The following PPFIA2 variants were observed in gnomAD, a reference collection of about 807,000 sequenced individuals.
The protein encoded by PPFIA2 is PPFI scaffold protein A2.
In PPFIA2, 46 loss-of-function variants were observed where a neutral mutation model predicts 175.5. The observed-to-expected ratio is 0.26, with a 90% CI of 0.21 to 0.34. The LOEUF is 0.34. Among genes scored for constraint, PPFIA2 ranks in the 10% least tolerant of loss-of-function variants. The pLI, the probability that PPFIA2 is intolerant of heterozygous loss-of-function variation, is 1.00. For missense variants in PPFIA2, 1,179 were observed against 1,506.1 expected, an observed-to-expected ratio of 0.78 and a Z score of 3.60; for synonymous variants, 568 against 511.4, an observed-to-expected ratio of 1.11 and a Z score of -1.49.
intron 4 of PPFIA2, among the ~76,000 whole-genome samples, chr12:81,553,502 T>C (rs1455518021): frequency 6.6e-6 from 1 of 152,042 alleles, no homozygotes; most frequent in Non-Finnish European, 1.5e-5. Context: ...CAGAAGTTGG[T>C]AGCATAAAAG....
chr12:81,744,588 A>G (rs1314773605), intron 3 of PPFIA2, among the ~76,000 whole-genome samples: 1 of 151,866 alleles, frequency 6.6e-6, no homozygotes, highest in East Asian at 1.9e-4. Flanking sequence ...ATGCCCCGCT[A>G]ATTTTTTTTG....
intron 29 of PPFIA2, 162 bp from the exon 30 acceptor site, chr12:81,267,182 T>TAA: frequency 2.1e-6 from 1 of 485,918 alleles, no homozygotes; most frequent in Non-Finnish European, 3.7e-6. Flanking sequence ...AAATTTTAAC[T>TAA]ACAAAAAAAA....
chr12:81,325,419 T>C (rs1249460403), intron 22 of PPFIA2, among the ~76,000 whole-genome samples: 8 of 152,142 alleles, frequency 5.3e-5, no homozygotes, highest in Non-Finnish European at 1.0e-4. Context: ...TAGATACTTA[T>C]AATTGCCATG....
intron 4 of PPFIA2, among the ~76,000 whole-genome samples, chr12:81,564,629 G>A (rs2070908770): frequency 1.3e-5 from 2 of 152,104 alleles, no homozygotes; most frequent in South Asian, 4.1e-4. Flanking sequence ...CAAAATAAAT[G>A]CATTTAACAT....
chr12:81,725,790 A>T (rs1317326870), intron 3 of PPFIA2, among the ~76,000 whole-genome samples: 4 of 150,876 alleles, frequency 2.7e-5, no homozygotes, highest in Admixed American at 6.6e-5. Flanking sequence ...GAAAGAATGG[A>T]AGCATAAAGT....
In PPFIA2 at chr12:81,279,672, A is replaced by AT. The variant is rs538901168; in HGVS notation, c.3212+1584dup. ...CAAACAAAAACCAAGTCATTTGAGTATTTTTTTTAATTTGATCATTATAGA... is the reference window on the plus strand; with the variant it reads ...CAAACAAAAACCAAGTCATTTGAGTATTTTTTTTTAATTTGATCATTATAGA... On this transcript the variant is annotated intron_variant, in intron 27 of 32. Coordinates refer to ENST00000549396, the MANE Select transcript of PPFIA2 (RefSeq NM_003625.5). Among the ~76,000 whole-genome samples, 324 of 152,086 alleles carry AT rather than the reference A, an allele frequency of 2.1e-3. 2 individuals carry two copies. The highest frequency in any genetic ancestry group is 7.3e-3 in the African/African-American group (302 of 41,488).
chr12:81,452,786 C>G (rs1190851115), intron 5 of PPFIA2, among the ~76,000 whole-genome samples: 1 of 152,082 alleles, frequency 6.6e-6, no homozygotes, highest in African/African-American at 2.4e-5. Flanking sequence ...AATTGTATCT[C>G]AATATCTGTT....
intron 4 of PPFIA2, among the ~76,000 whole-genome samples, chr12:81,534,474 T>A (rs573814876): frequency 7.3e-5 from 11 of 151,638 alleles, no homozygotes; most frequent in Non-Finnish European, 1.5e-4. Context: ...ATATTATGTA[T>A]CAGGAAAAAA....
At chr12:81,388,537 C>T (rs1275808725) in intron 8 of PPFIA2, among the ~76,000 whole-genome samples, 1 of 151,932 alleles carries the variant, frequency 6.6e-6, no homozygotes, top group Non-Finnish European at 1.5e-5. Flanking sequence ...GGCATGAGAG[C>T]ACTTCTAAGG....
chr12:81,741,342 T>G (rs2082298769), intron 3 of PPFIA2, among the ~76,000 whole-genome samples: 1 of 152,228 alleles, frequency 6.6e-6, no homozygotes, highest in Admixed American at 6.5e-5. Flanking sequence ...TATGATAGTT[T>G]TTTTTTTATG....
intron 27 of PPFIA2, among the ~76,000 whole-genome samples, chr12:81,279,617 T>C (rs2041560618): frequency 6.6e-6 from 1 of 152,208 alleles, no homozygotes; most frequent in Non-Finnish European, 1.5e-5. Flanking sequence ...TTAGCATAAC[T>C]TAAAAATGAA....
intron 22 of PPFIA2, among the ~76,000 whole-genome samples, chr12:81,304,804 G>A (rs1267009040): frequency 6.6e-6 from 1 of 152,048 alleles, no homozygotes; most frequent in Non-Finnish European, 1.5e-5. Flanking sequence ...GGCTTTGGGA[G>A]CTGAAGAGGA....
At chr12:81,391,345 G>T (rs769822300) in intron 8 of PPFIA2, among the ~76,000 whole-genome samples, 13 of 152,012 alleles carry the variant, frequency 8.6e-5, no homozygotes, top group Non-Finnish European at 1.8e-4. Flanking sequence ...AAGTCGTCCT[G>T]TATGCAGAGC....
At chr12:81,491,309 A>T (rs1356027460) in intron 4 of PPFIA2, among the ~76,000 whole-genome samples, 1 of 151,494 alleles carries the variant, frequency 6.6e-6, no homozygotes, top group Non-Finnish European at 1.5e-5. Flanking sequence ...CAGGTAGGTT[A>T]TTACTTATCA....
chr12:81,663,769 C>T (rs1394519237), intron 4 of PPFIA2, among the ~76,000 whole-genome samples: 11 of 152,120 alleles, frequency 7.2e-5, no homozygotes, highest in Non-Finnish European at 1.6e-4. Context: ...GGAGGCATCA[C>T]ACTACCTGAC....
At chr12:81,483,160 T>G (rs1353269513) in intron 4 of PPFIA2, among the ~76,000 whole-genome samples, 1 of 152,192 alleles carries the variant, frequency 6.6e-6, no homozygotes, top group African/African-American at 2.4e-5. Context: ...AGAATTTATT[T>G]GAAATGTTAG....
chr12:81,373,714 T>C (rs189122900), intron 11 of PPFIA2, among the ~76,000 whole-genome samples: 1 of 152,106 alleles, frequency 6.6e-6, no homozygotes, highest in East Asian at 1.9e-4. Context: ...TTTGCTTTTT[T>C]AGAAAATCAG....
intron 4 of PPFIA2, among the ~76,000 whole-genome samples, chr12:81,522,316 G>A (rs1299468543): frequency 6.6e-6 from 1 of 152,040 alleles, no homozygotes; most frequent in African/African-American, 2.4e-5. Context: ...ATCTACTGTG[G>A]ATTTTATAGA....
Position 81,358,142 on chromosome 12 carries a change from T to C in PPFIA2, c.1713A>G (p.Thr571=). 1 of 1,601,064 alleles carries C rather than the reference T, an allele frequency of 6.2e-7. No homozygotes were observed. Among genetic ancestry groups the C allele is most frequent in the African/African-American group, 1.3e-5 (1 of 74,720 alleles). ...TCCTTGGTCTTCTTATTACTTTAGT[T>C]GTTCTGTAATCAGACTGGCTGTCCA... ...SLVDSQSDYR[T]TKVIRRPRRG... is the part of the protein sequence containing the mutation. Residue 571 remains threonine, a synonymous_variant, in exon 16 of 33, where the codon ACA becomes ACG. Transcript: ENST00000549396.
Sources: gnomAD v4.1 joint callset for allele counts (sites outside exome capture counted in the v4.1 genomes callset) on GRCh38, gnomAD v4.1.1 for gene constraint, MANE v1.5 for transcripts, NCBI Gene and HGNC (gene_info 2026-07-23, HGNC 2026-07-21) for gene names.